The following GINM1 variants were observed in gnomAD, a reference collection of about 807,000 sequenced individuals.
The protein encoded by GINM1 is glycosylated integral membrane protein 1.
A neutral mutation model predicts 37.8 loss-of-function variants in GINM1; 29 were observed. The observed-to-expected ratio is 0.77, with a 90% confidence interval of 0.57 to 1.05. The LOEUF (loss-of-function observed/expected upper bound fraction) is 1.05, where lower values mean the gene tolerates loss of function less well. Among genes scored for constraint, GINM1 ranks in the 50% least tolerant of loss-of-function variants. GINM1 has a pLI of 0.00. For synonymous variants in GINM1, 143 were observed against 146.2 expected (o/e 0.98, Z 0.16); for missense variants, 377 against 397.9 (o/e 0.95, Z 0.45).
At chr6:149,578,386 C>T (rs1415681872) in intron 3 of GINM1, among the ~76,000 whole-genome samples, 3 of 151,876 alleles carry the variant, frequency 2.0e-5, no homozygotes, top group African/African-American at 7.3e-5. Context: ...AACAGCTGAG[C>T]ATGGTGGTGC....
In GINM1 at chr6:149,590,730, A is replaced by T; in HGVS notation, c.885A>T (p.Gly295=). Residue 295 remains glycine (G), a synonymous_variant, in exon 8 of 8, where the codon GGA becomes GGT. Transcript: ENST00000367419. ...AATTAATCACTTTCTATTTCAGAGGAATTCTTCAGTTGGATAAAGTGGACG... is the reference window on the plus strand; with the variant it reads ...AATTAATCACTTTCTATTTCAGAGGTATTCTTCAGTTGGATAAAGTGGACG... ...KVFFPVSEYK[G]ILQLDKVDVI... 6.7e-7 allele frequency: 1 copy of T among 1,483,326 alleles called. No individual in the cohort carries two copies. The highest frequency in any genetic ancestry group is 9.4e-7 in the Non-Finnish European group (1 of 1,066,600). The allele number at this position is 1,483,326 out of a possible 1,614,324, so 91.9% of individuals were successfully genotyped here.
chr6:149,569,571 C>T (rs189592576), intron 1 of GINM1, among the ~76,000 whole-genome samples: 234 of 152,152 alleles, frequency 1.5e-3, no homozygotes, highest in Non-Finnish European at 2.7e-3. Flanking sequence ...CTCCTGACCT[C>T]AGGTGATCCA....
chr6:149,582,143 C>T (rs1010664776), intron 6 of GINM1: 3 of 504,392 alleles, frequency 5.9e-6, no homozygotes, highest in African/African-American at 5.8e-5. Context: ...ATTATTTTCA[C>T]TTGATTTGTA....
At chr6:149,587,510 G>T (rs550737596) in intron 7 of GINM1, among the ~76,000 whole-genome samples, 1 of 152,208 alleles carries the variant, frequency 6.6e-6, no homozygotes, top group Non-Finnish European at 1.5e-5. Context: ...TCTTTGGGGC[G>T]GCTCACAGAT....
chr6:149,587,870 A>G (rs1778096811), intron 7 of GINM1, among the ~76,000 whole-genome samples: 1 of 152,160 alleles, frequency 6.6e-6, no homozygotes. Flanking sequence ...TCCCCTGTTG[A>G]GGCTATCCAG....
chr6:149,579,395 A>G (rs192002338), intron 4 of GINM1, among the ~76,000 whole-genome samples: 9 of 152,358 alleles, frequency 5.9e-5, no homozygotes, highest in Non-Finnish European at 1.2e-4. Context: ...ACGGGGAAAT[A>G]AATAGTAATT....
intron 1 of GINM1, among the ~76,000 whole-genome samples, chr6:149,569,890 T>C (rs1400301249): frequency 5.3e-5 from 8 of 151,750 alleles, no homozygotes; most frequent in Non-Finnish European, 1.2e-4. Context: ...AAGCACTTTT[T>C]AAGTATATGC....
At chr6:149,574,244 T>C (rs937425604) in intron 3 of GINM1, among the ~76,000 whole-genome samples, 1 of 151,980 alleles carries the variant, frequency 6.6e-6, no homozygotes, top group Non-Finnish European at 1.5e-5. Context: ...AGAGATGGGG[T>C]TTCACCATAT....
At chr6:149,582,220 A>T in intron 6 of GINM1, 1 of 590,824 alleles carries the variant, frequency 1.7e-6, no homozygotes, top group South Asian at 1.8e-5. Flanking sequence ...TTAGAACATA[A>T]TTTTTAAAGT....
intron 7 of GINM1, among the ~76,000 whole-genome samples, chr6:149,589,023 C>T (rs1259985051): frequency 4.6e-5 from 7 of 152,092 alleles, no homozygotes; most frequent in Non-Finnish European, 8.8e-5. Context: ...AGGATGGTCT[C>T]GAACTCCTGA....
At chr6:149,589,434 G>A (rs1160575169) in intron 7 of GINM1, among the ~76,000 whole-genome samples, 3 of 150,636 alleles carry the variant, frequency 2.0e-5, no homozygotes, top group Non-Finnish European at 4.4e-5. Context: ...CACCACAGCC[G>A]GCTAATTTAT....
intron 3 of GINM1, among the ~76,000 whole-genome samples, chr6:149,576,973 C>T (rs1777923577): frequency 6.6e-6 from 1 of 152,164 alleles, no homozygotes; most frequent in South Asian, 2.1e-4. Flanking sequence ...AGCTTTTACT[C>T]ATGGTGGAAG....
At chr6:149,574,979 GTTA>G (rs1040444910) in intron 3 of GINM1, among the ~76,000 whole-genome samples, 2 of 152,022 alleles carry the variant, frequency 1.3e-5, no homozygotes, top group Non-Finnish European at 1.5e-5. Flanking sequence ...TTGCCTTTGG[GTTA>G]TTATTATATA....
At chr6:149,584,813 ATG>A (rs1309763199) in intron 7 of GINM1, among the ~76,000 whole-genome samples, 3 of 149,264 alleles carry the variant, frequency 2.0e-5, no homozygotes, top group South Asian at 2.1e-4. Flanking sequence ...ATATTTATAA[ATG>A]TATATATATA....
At chr6:149,574,415 T>G (rs1777882663) in intron 3 of GINM1, among the ~76,000 whole-genome samples, 1 of 152,212 alleles carries the variant, frequency 6.6e-6, no homozygotes, top group African/African-American at 2.4e-5. Flanking sequence ...TTAATAAAAT[T>G]ACTGATACAT....
chr6:149,573,878 A>G (rs1390770603), intron 3 of GINM1, among the ~76,000 whole-genome samples: 2 of 151,724 alleles, frequency 1.3e-5, no homozygotes, highest in African/African-American at 4.8e-5. Context: ...GAGCCAAGAA[A>G]ATGAATTGTC....
Position 149,580,684 on chromosome 6 carries a change from TG to T in GINM1, c.679del (p.Glu227LysfsTer14). Reference sequence around the variant, plus strand: ...AAGATGTTTTACCTGGCAAGTTACCTGAAACTCCTCTCAGAGCAGAGCCGCC... The same window carrying T: ...AAGATGTTTTACCTGGCAAGTTACCTAAACTCCTCTCAGAGCAGAGCCGCC... ...DEDVLPGKLP[E>X]TPLRAEPPSS... On this transcript the variant is annotated frameshift_variant, in exon 6 of 8. Coordinates refer to ENST00000367419, the MANE Select transcript of GINM1 (RefSeq NM_138785.5). LOFTEE classifies it high-confidence loss of function. 6.2e-7 allele frequency: 1 copy of T among 1,613,780 alleles called. No homozygotes were observed.
chr6:149,583,431 C>G (rs1266535586), intron 7 of GINM1, among the ~76,000 whole-genome samples: 1 of 151,992 alleles, frequency 6.6e-6, no homozygotes, highest in East Asian at 1.9e-4. Flanking sequence ...CCACTGCACT[C>G]CAGTCTGGGC....
At chr6:149,574,707 T>A (rs1411752615) in intron 3 of GINM1, among the ~76,000 whole-genome samples, 2 of 152,056 alleles carry the variant, frequency 1.3e-5, no homozygotes, top group East Asian at 3.9e-4. Context: ...CTGGGCAACA[T>A]AGGGAAACCT....
Sources: gnomAD v4.1 joint callset for allele counts (sites outside exome capture counted in the v4.1 genomes callset) on GRCh38, gnomAD v4.1.1 for gene constraint, MANE v1.5 for transcripts, NCBI Gene and HGNC (gene_info 2026-07-23, HGNC 2026-07-21) for gene names.